The following NPAP1 variants were observed in gnomAD, a reference collection of about 807,000 sequenced individuals.
NPAP1 encodes nuclear pore-associated protein 1.
For missense variants in NPAP1, 1,483 were observed against 1,454.5 expected (o/e 1.02, Z -0.32); for synonymous variants, 616 against 581.4 (o/e 1.06, Z -0.86).
At position 24,678,816 on chromosome 15, in the gene NPAP1, A is replaced by C; in HGVS notation, c.2949A>C (p.Arg983Ser). ...PNGTAKTSGFRIATGMPGTGD... is the reference protein window; with the variant it reads ...PNGTAKTSGFSIATGMPGTGD... ...GCACAGCAAAGACTTCTGGATTTAG[A>C]ATTGCCACTGGGATGCCTGGCACTG... Residue 983 changes from arginine to serine, a missense_variant, in exon 1 of 1, where the codon AGA (arginine) becomes AGC (serine). Physicochemically the swap from Arg to Ser is moderately radical, Grantham distance 110 (BLOSUM62 -1). Transcript: ENST00000329468. The C allele has an allele frequency of 6.2e-7, 1 of 1,614,208 alleles. No individual in the cohort carries two copies. The highest frequency in any genetic ancestry group is 8.5e-7 in the Non-Finnish European group (1 of 1,180,038).
Position 24,682,188 on chromosome 15 carries a change from C to T in NPAP1, c.*2850C>T, listed in dbSNP as rs2049022138. 1 of 167,050 alleles carries T rather than the reference C, an allele frequency of 6.0e-6. No homozygotes were observed. Among genetic ancestry groups the T allele is most frequent in the African/African-American group, 2.4e-5 (1 of 41,424 alleles). 10.3% of individuals were successfully genotyped at this position (167,050 alleles called of 1,614,324 possible). ...CCTCTTGGCACCCTGGGGCCTGATT[C>T]ATTCGCTCTAAATTGTTTAGTACAG... is the stretch of plus-strand genomic sequence containing the variant. On this transcript the variant is annotated 3_prime_UTR_variant, in exon 1 of 1. Coordinates refer to ENST00000329468, the MANE Select transcript of NPAP1 (RefSeq NM_018958.3).
In NPAP1 at chr15:24,678,318, G is replaced by A. The variant is rs1296767265; in HGVS notation, c.2451G>A (p.Lys817=). ...GTGCCTCTGCAGCATCGTTATCCAA[G>A]CCTGCCATTGACACCAGTGACATGA... ...VSSASAASLS[K]PAIDTSDMNT... Residue 817 remains lysine (K), a synonymous_variant, in exon 1 of 1, where the codon AAG becomes AAA. Transcript: ENST00000329468. 1.9e-6 allele frequency: 3 copies of A among 1,613,810 alleles called. No homozygotes were observed. The highest frequency in any genetic ancestry group is 2.5e-6 in the Non-Finnish European group (3 of 1,179,976).
In NPAP1 at chr15:24,678,644, T is replaced by C. The variant is rs1395254275; in HGVS notation, c.2777T>C (p.Ile926Thr). The C allele has an allele frequency of 1.9e-6, 3 of 1,614,114 alleles. No homozygotes were observed. Among genetic ancestry groups the C allele is most frequent in the South Asian group, 2.2e-5 (2 of 91,076 alleles). Reference sequence around the variant, plus strand: ...AATCCAGCAACCCCAGCACCAGTTATAGGCTTAACATCTCCTTCAGTCCAG... The same window carrying C: ...AATCCAGCAACCCCAGCACCAGTTACAGGCTTAACATCTCCTTCAGTCCAG... ...LGNPATPAPVIGLTSPSVQPL... is the reference protein window; with the variant it reads ...LGNPATPAPVTGLTSPSVQPL... The change falls in exon 1 of 1, where the codon ATA becomes ACA. Residue 926 changes from isoleucine (I) to threonine (T), a missense_variant. Transcript: ENST00000329468.
rs773494894 is a variant in NPAP1, at chr15:24,679,175, G to C, written c.3308G>C (p.Gly1103Ala). The C allele has an allele frequency of 6.2e-7, 1 of 1,614,212 alleles. No individual in the cohort carries two copies. The highest frequency in any genetic ancestry group is 1.1e-5 in the South Asian group (1 of 91,080). ...PPTQNSCSGM[G>A]GDGTRSIVGG... ...ACCCAGAATTCATGCAGTGGTATGG[G>C]AGGGGATGGCACCAGATCCATAGTT... Residue 1103 changes from glycine to alanine, a missense_variant, in exon 1 of 1, where the codon GGA becomes GCA. Physicochemically the swap from Gly to Ala is moderately conservative, Grantham distance 60. Transcript: ENST00000329468.
At position 24,679,024 on chromosome 15, in the gene NPAP1, C is replaced by G. The variant is rs2048999382; in HGVS notation, c.3157C>G (p.Pro1053Ala). 1 of 1,614,158 alleles carries G rather than the reference C, an allele frequency of 6.2e-7. No homozygotes were observed. Among genetic ancestry groups the G allele is most frequent in the Non-Finnish European group, 8.5e-7 (1 of 1,180,036 alleles). The part of the protein sequence containing the change: ...SGTPSTTSVF[P>A]FGQAAWDPTG... ...GACACCCAGCACCACTTCTGTTTTC[C>G]CATTTGGTCAGGCAGCCTGGGACCC... Residue 1053 changes from proline to alanine, a missense_variant, in exon 1 of 1, where the codon CCA becomes GCA. Physicochemically the swap from Pro to Ala is conservative, Grantham distance 27. Transcript: ENST00000329468.
In NPAP1 at chr15:24,677,702, G is replaced by A. The variant is rs1174102141; in HGVS notation, c.1835G>A (p.Arg612Lys). ...CAAATACATTGCAGTGCAGAGCAGAGGCACCCGGGAAAGACATCAGTCTAC... is the reference window on the plus strand; with the variant it reads ...CAAATACATTGCAGTGCAGAGCAGAAGCACCCGGGAAAGACATCAGTCTAC... Reference protein sequence around the residue: ...NSQIHCSAEQRHPGKTSVYTS... With the variant: ...NSQIHCSAEQKHPGKTSVYTS... Residue 612 changes from arginine to lysine, a missense_variant, in exon 1 of 1, where the codon AGG becomes AAG. By Grantham distance (26) the Arg-to-Lys change is conservative. Coordinates refer to ENST00000329468, the MANE Select transcript of NPAP1 (RefSeq NM_018958.3). 6 of 1,614,030 alleles carry A rather than the reference G, an allele frequency of 3.7e-6. No homozygotes were observed. The highest frequency in any genetic ancestry group is 2.7e-5 in the African/African-American group (2 of 74,910).
In NPAP1 at chr15:24,677,891, C is replaced by T. The variant is rs762133999; in HGVS notation, c.2024C>T (p.Pro675Leu). The change falls in exon 1 of 1, where the codon CCT (proline) becomes CTT (leucine). Residue 675 changes from proline (P) to leucine (L), a missense_variant. Transcript: ENST00000329468. Reference sequence around the variant, plus strand: ...TTCCTGAGCCTTCCCATCATTCCTCCTCCAGACACCTCCACTTTAGTGAAC... The same window carrying T: ...TTCCTGAGCCTTCCCATCATTCCTCTTCCAGACACCTCCACTTTAGTGAAC... The part of the protein sequence containing the change: ...CVFLSLPIIP[P>L]PDTSTLVNSA... 3.1e-6 allele frequency: 5 copies of T among 1,613,790 alleles called. No individual in the cohort carries two copies. Among genetic ancestry groups the T allele is most frequent in the Non-Finnish European group, 4.2e-6 (5 of 1,179,988 alleles).
rs762061165 is a variant in NPAP1, at chr15:24,679,028, T to C, written c.3161T>C (p.Phe1054Ser). Reference protein sequence around the residue: ...GTPSTTSVFPFGQAAWDPTGH... With the variant: ...GTPSTTSVFPSGQAAWDPTGH... ...CCCAGCACCACTTCTGTTTTCCCAT[T>C]TGGTCAGGCAGCCTGGGACCCAACT... The change falls in exon 1 of 1, where the codon TTT (phenylalanine) becomes TCT (serine). Residue 1054 changes from phenylalanine to serine, a missense_variant. By Grantham distance (155) the Phe-to-Ser change is radical (BLOSUM62 -2). Transcript: ENST00000329468. 6.2e-7 allele frequency: 1 copy of C among 1,614,148 alleles called. No individual in the cohort carries two copies. The highest frequency in any genetic ancestry group is 1.7e-5 in the Admixed American group (1 of 60,022).
chr15:24,678,904 AC>A, the NPAP1 span: 98 of 1,613,770 alleles, frequency 6.1e-5, no homozygotes, highest in Non-Finnish European at 7.7e-5. Flanking sequence ...GGGACCTGGA[AC>A]CCCTATGGAT....
chr15:24,676,140 G>C lies in NPAP1; in HGVS notation c.273G>C (p.Gly91=), dbSNP rs2141307344. ...PLGVLPAVGW[G]LAIRKTPMLP... ...GGGTCCTGCCGGCTGTGGGTTGGGG[G>C]CTGGCCATCAGGAAGACACCCATGC... is the stretch of plus-strand genomic sequence containing the variant. Residue 91 remains glycine, a synonymous_variant, in exon 1 of 1, where the codon GGG becomes GGC. Coordinates refer to ENST00000329468, the MANE Select transcript of NPAP1 (RefSeq NM_018958.3). 1 of 1,575,302 alleles carries C rather than the reference G, an allele frequency of 6.3e-7. No individual in the cohort carries two copies. The highest frequency in any genetic ancestry group is 1.2e-5 in the South Asian group (1 of 84,944).
Position 24,677,438 on chromosome 15 carries a change from C to T in NPAP1, c.1571C>T (p.Pro524Leu). The change falls in exon 1 of 1, where the codon CCT (proline) becomes CTT (leucine). Residue 524 changes from proline (P) to leucine (L), a missense_variant. Physicochemically the swap from Pro to Leu is moderately conservative, Grantham distance 98 (BLOSUM62 -3). Coordinates refer to ENST00000329468, the MANE Select transcript of NPAP1 (RefSeq NM_018958.3). ...CCAATATCTATGTGTGTGGATTCCC[C>T]TCCTCCTCTTTCCTTCCTGACTCTT... ...ESPISMCVDS[P>L]PPLSFLTLLP... 6.2e-7 allele frequency: 1 copy of T among 1,614,120 alleles called. No homozygotes were observed. The highest frequency in any genetic ancestry group is 8.5e-7 in the Non-Finnish European group (1 of 1,180,042).
In NPAP1 at chr15:24,676,883, C is replaced by T. The variant is rs1391993692; in HGVS notation, c.1016C>T (p.Pro339Leu). Reference protein sequence around the residue: ...KMSIPLLLPLPPSLPLLWDRG... With the variant: ...KMSIPLLLPLLPSLPLLWDRG... ...TCGATTCCATTGCTGCTGCCGCTGC[C>T]CCCTTCACTGCCATTGCTGTGGGAT... The change falls in exon 1 of 1, where the codon CCC (proline) becomes CTC (leucine). Residue 339 changes from proline (P) to leucine (L), a missense_variant. Transcript: ENST00000329468. 1 of 1,613,548 alleles carries T rather than the reference C, an allele frequency of 6.2e-7. No individual in the cohort carries two copies.
chr15:24,676,858 T>G lies in NPAP1; in HGVS notation c.991T>G (p.Ser331Ala), dbSNP rs1340140738. ...CAACAGGCCCTGCAAAAGGAAAATG[T>G]CGATTCCATTGCTGCTGCCGCTGCC... ...ARNRPCKRKM[S>A]IPLLLPLPPS... Residue 331 changes from serine to alanine, a missense_variant, in exon 1 of 1, where the codon TCG (serine) becomes GCG (alanine). Transcript: ENST00000329468. 1 of 1,613,104 alleles carries G rather than the reference T, an allele frequency of 6.2e-7. No homozygotes were observed. The highest frequency in any genetic ancestry group is 8.5e-7 in the Non-Finnish European group (1 of 1,180,030).
rs199762732 is a variant in NPAP1 at position 24,678,640 on chromosome 15, G to A, written c.2773G>A (p.Val925Ile). 104 of 1,614,096 alleles carry A rather than the reference G, an allele frequency of 6.4e-5. 4 individuals carry two copies. In the South Asian group the frequency reaches 1.1e-3, roughly 17 times the overall value. ...ILGNPATPAP[V>I]IGLTSPSVQP... is the part of the protein sequence containing the mutation. ...GGGGAATCCAGCAACCCCAGCACCA[G>A]TTATAGGCTTAACATCTCCTTCAGT... The change falls in exon 1 of 1, where the codon GTT (valine) becomes ATT (isoleucine). Residue 925 changes from valine (V) to isoleucine (I), a missense_variant. Transcript: ENST00000329468.
In NPAP1 at chr15:24,676,283, A is replaced by C; in HGVS notation, c.416A>C (p.Lys139Thr). 6.6e-7 allele frequency: 1 copy of C among 1,519,234 alleles called. No homozygotes were observed. Among genetic ancestry groups the C allele is most frequent in the African/African-American group, 1.4e-5 (1 of 71,780 alleles). 94.1% of individuals were successfully genotyped at this position (1,519,234 alleles called of 1,614,324 possible). ...CGTGAGCCGGCGGTCAAGGCCAGGA[A>C]GCCCATCCCAGCCACTCTCCTGGAG... ...SPREPAVKARKPIPATLLEET... is the reference protein window; with the variant it reads ...SPREPAVKARTPIPATLLEET... The change falls in exon 1 of 1, where the codon AAG (lysine) becomes ACG (threonine). Residue 139 changes from lysine (K) to threonine (T), a missense_variant. By Grantham distance (78) the Lys-to-Thr change is moderately conservative. Coordinates refer to ENST00000329468, the MANE Select transcript of NPAP1 (RefSeq NM_018958.3).
Position 24,677,535 on chromosome 15 carries a change from T to C in NPAP1, c.1668T>C (p.Thr556=). The C allele has an allele frequency of 1.2e-6, 2 of 1,614,172 alleles. No individual in the cohort carries two copies. Among genetic ancestry groups the C allele is most frequent in the Admixed American group, 1.7e-5 (1 of 60,006 alleles). Residue 556 remains threonine (T), a synonymous_variant, in exon 1 of 1, where the codon ACT becomes ACC. Coordinates refer to ENST00000329468, the MANE Select transcript of NPAP1 (RefSeq NM_018958.3). The part of the protein sequence containing the change: ...KPMNSTSVIS[T]VTTNASAHLT... ...TGAATTCCACGTCAGTCATTTCCAC[T>C]GTCACAACAAACGCATCTGCCCACC...
rs1326901821 is a variant in NPAP1, at chr15:24,676,011, C to T, written c.144C>T (p.Arg48=). Residue 48 remains arginine (R), a synonymous_variant, in exon 1 of 1, where the codon CGC becomes CGT. Transcript: ENST00000329468. ...CTGTACCCACCCCGCGCCCTTTCCG[C>T]GGCCTGTTCCGCCGGAACGCCCGTC... ...AHSVPTPRPF[R]GLFRRNARRR... The T allele has an allele frequency of 1.9e-6, 3 of 1,599,220 alleles. No homozygotes were observed. The highest frequency in any genetic ancestry group is 1.4e-5 in the African/African-American group (1 of 73,654).
In NPAP1 at chr15:24,676,597, A is replaced by C; in HGVS notation, c.730A>C (p.Ser244Arg). The part of the protein sequence containing the change: ...LEGPAMPSTH[S>R]QAGCARHLGK... ...AGGCCCTGCCATGCCCAGCACACAC[A>C]GCCAGGCCGGATGTGCCCGGCATCT... Residue 244 changes from serine (S) to arginine (R), a missense_variant, in exon 1 of 1, where the codon AGC (serine) becomes CGC (arginine). Physicochemically the swap from Ser to Arg is moderately radical, Grantham distance 110 (BLOSUM62 -1). Transcript: ENST00000329468. The C allele has an allele frequency of 6.2e-7, 1 of 1,614,026 alleles. No individual in the cohort carries two copies. The highest frequency in any genetic ancestry group is 1.1e-5 in the South Asian group (1 of 91,082).
rs1381909045 is a variant in NPAP1 at position 24,676,313 on chromosome 15, C to T, written c.446C>T (p.Thr149Ile). ...ATCCCAGCCACTCTCCTGGAGGAGA[C>T]CGAGGTGTGGGCCCAAGAAGGGCCC... ...KPIPATLLEE[T>I]EVWAQEGPRR... Residue 149 changes from threonine (T) to isoleucine (I), a missense_variant, in exon 1 of 1, where the codon ACC (threonine) becomes ATC (isoleucine). Coordinates refer to ENST00000329468, the MANE Select transcript of NPAP1 (RefSeq NM_018958.3). The T allele has an allele frequency of 6.6e-7, 1 of 1,523,724 alleles. No homozygotes were observed. The highest frequency in any genetic ancestry group is 8.8e-7 in the Non-Finnish European group (1 of 1,138,688). The allele number at this position is 1,523,724 out of a possible 1,614,324, so 94.4% of individuals were successfully genotyped here. A position where few individuals can be genotyped will look rare whatever the true frequency, so the allele number is the denominator to read the frequency against.
Sources: allele counts gnomAD v4.1 joint callset, GRCh38; gene constraint gnomAD v4.1.1; transcripts MANE v1.5; gene names NCBI Gene and HGNC (gene_info 2026-07-23, HGNC 2026-07-21).